NEDD1: variants seen among roughly 807,000 people sequenced by gnomAD.
The protein encoded by NEDD1 is NEDD1 gamma-tubulin ring complex targeting factor.
Under a neutral mutation model 74.0 loss-of-function variants are expected in NEDD1, and 33 were observed. That is an observed-to-expected ratio of 0.45 (90% CI 0.34 to 0.60). The LOEUF (loss-of-function observed/expected upper bound fraction) is 0.60, where lower values mean the gene tolerates loss of function less well. Ranked by LOEUF, NEDD1 falls within the 20% of genes least tolerant of loss-of-function variation. The pLI, the probability that NEDD1 is intolerant of heterozygous loss-of-function variation, is 0.01. For synonymous variants in NEDD1, 250 were observed against 264.4 expected (o/e 0.95, Z 0.53); for missense variants, 746 against 776.5 (o/e 0.96, Z 0.47).
At chr12:96,907,368 A>G (rs1407600787) in intron 1 of NEDD1, 68 bp downstream of exon 1, 2 of 432,766 alleles carry the variant, frequency 4.6e-6, no homozygotes. Context: ...TCCCGATCCT[A>G]AGACCCGCTC....
chr12:96,924,306 G>T (rs1408416148), intron 6 of NEDD1, among the ~76,000 whole-genome samples: 1 of 152,116 alleles, frequency 6.6e-6, no homozygotes, highest in Non-Finnish European at 1.5e-5. Flanking sequence ...TGGGCCTTTT[G>T]CATTTCTAGC....
rs1316848201 is a variant in NEDD1, at chr12:96,934,965, C to A, written c.490-11C>A. The A allele has an allele frequency of 4.0e-6, 6 of 1,516,376 alleles. No individual in the cohort carries two copies. Among genetic ancestry groups the A allele is most frequent in the Non-Finnish European group, 5.5e-6 (6 of 1,092,578 alleles). 93.9% of individuals were successfully genotyped at this position (1,516,376 alleles called of 1,614,324 possible). On this transcript the variant is annotated splice_polypyrimidine_tract_variant and intron_variant, in intron 6 of 15. Transcript: ENST00000266742. Reference sequence around the variant, plus strand: ...TATAATTACATAAAATTTATTCTTTCATTTTTATAGTCTGTTCGGCACTTG... The same window carrying A: ...TATAATTACATAAAATTTATTCTTTAATTTTTATAGTCTGTTCGGCACTTG...
chr12:96,943,054 G>T (rs1331988156), intron 11 of NEDD1, among the ~76,000 whole-genome samples: 1 of 151,986 alleles, frequency 6.6e-6, no homozygotes, highest in Non-Finnish European at 1.5e-5. Flanking sequence ...CTTAATCTTG[G>T]TAGTGACATC....
At position 96,945,792 on chromosome 12, in the gene NEDD1, C is replaced by T. The variant is rs777917483; in HGVS notation, c.1754C>T (p.Thr585Ile). 6.2e-7 allele frequency: 1 copy of T among 1,612,058 alleles called. No homozygotes were observed. The highest frequency in any genetic ancestry group is 1.3e-5 in the African/African-American group (1 of 74,976). Residue 585 changes from threonine (T) to isoleucine (I), a missense_variant, in exon 14 of 16, where the codon ACT (threonine) becomes ATT (isoleucine). Physicochemically the swap from Thr to Ile is moderately conservative, Grantham distance 89. Around this residue, in one of 3 missense-constraint regions of NEDD1, gnomAD observed 706 missense variants for 706.7 expected, o/e 1.00. Coordinates refer to ENST00000266742, the MANE Select transcript of NEDD1 (RefSeq NM_152905.4). ...IGNNRQNAPL[T>I]SIQIRFIQNM... ...AATAACCGGCAAAATGCACCATTGA[C>T]TTCCATTCAAATTCGTTTTATTCAG...
intron 6 of NEDD1, among the ~76,000 whole-genome samples, chr12:96,929,671 C>T (rs1490687190): frequency 1.3e-5 from 2 of 150,070 alleles, no homozygotes; most frequent in African/African-American, 4.9e-5. Flanking sequence ...TGACTCTGCT[C>T]TACTTTTCCA....
chr12:96,935,255 C>T (rs767480249), intron 7 of NEDD1, 50 bp downstream of exon 7: 1 of 1,083,118 alleles, frequency 9.2e-7, no homozygotes, highest in Admixed American at 1.7e-5. Flanking sequence ...AGCTATTATT[C>T]CATTAACAGG....
chr12:96,912,755 G>A lies in NEDD1; in HGVS notation c.169G>A (p.Asp57Asn). The part of the protein sequence containing the change: ...NFLVTASSSG[D>N]KIVVSSCKCK... ...TTTAGTAACAGCATCTTCCAGTGGCGACAAAATAGTTGTCTCAAGTTGCAA... is the reference window on the plus strand; with the variant it reads ...TTTAGTAACAGCATCTTCCAGTGGCAACAAAATAGTTGTCTCAAGTTGCAA... The change falls in exon 4 of 16, where the codon GAC (aspartate) becomes AAC (asparagine). Residue 57 changes from aspartate to asparagine, a missense_variant. Physicochemically the swap from Asp to Asn is conservative, Grantham distance 23. Around this residue, in one of 3 missense-constraint regions of NEDD1, gnomAD observed 706 missense variants for 706.7 expected, o/e 1.00. Transcript: ENST00000266742. 2 of 1,607,434 alleles carry A rather than the reference G, an allele frequency of 1.2e-6. No individual in the cohort carries two copies. Among genetic ancestry groups the A allele is most frequent in the Admixed American group, 1.7e-5 (1 of 59,942 alleles).
chr12:96,912,878 G>T, intron 4 of NEDD1, 61 bp downstream of exon 4: 1 of 794,318 alleles, frequency 1.3e-6, no homozygotes, highest in Non-Finnish European at 2.1e-6. Flanking sequence ...ACTGGCAATT[G>T]CTTATTGTGG....
intron 14 of NEDD1, among the ~76,000 whole-genome samples, chr12:96,948,155 C>G (rs1379852203): frequency 2.6e-5 from 4 of 152,112 alleles, no homozygotes; most frequent in African/African-American, 9.7e-5. Context: ...AGGGGTTACT[C>G]TCAGTTCTTC....
intron 5 of NEDD1, among the ~76,000 whole-genome samples, chr12:96,918,985 A>G (rs778616350): frequency 1.3e-5 from 2 of 152,240 alleles, no homozygotes; most frequent in African/African-American, 2.4e-5. Flanking sequence ...AAGTTGTAAT[A>G]TAAGTGGAAT....
At position 96,932,463 on chromosome 12, in the gene NEDD1, AAT is replaced by A. The variant is rs1555203253; in HGVS notation, c.490-2489_490-2488del. Among the ~76,000 whole-genome samples, 34 of 9,434 alleles carry A rather than the reference AAT, an allele frequency of 3.6e-3. 3 individuals carry two copies. Among genetic ancestry groups the A allele is most frequent in the East Asian group, 5.9e-3 (1 of 170 alleles). The allele number at this position is 9,434 out of a possible 152,430, so 6.2% of individuals were successfully genotyped here. On this transcript the variant is annotated intron_variant, in intron 6 of 15. Transcript: ENST00000266742. The stretch of plus-strand genomic sequence containing the variant: ...CTCTTAAAAAAAAAAAAAAAAAAAA[AAT>A]ATATATATATATATATATATATAAA...
intron 6 of NEDD1, among the ~76,000 whole-genome samples, chr12:96,921,882 C>G (rs1325744821): frequency 6.6e-6 from 1 of 151,478 alleles, no homozygotes; most frequent in Non-Finnish European, 1.5e-5. Flanking sequence ...TCCCAAAGTG[C>G]TGGGATTACA....
rs141847584 is a variant in NEDD1 at position 96,940,443 on chromosome 12, T to C, written c.1152T>C (p.Ser384=). 676 of 1,602,028 alleles carry C rather than the reference T, an allele frequency of 4.2e-4. 2 individuals are homozygous for C. In the African/African-American group the frequency reaches 8.5e-3, roughly 20 times the overall value. The change falls in exon 10 of 16, where the codon TCT becomes TCC. Residue 384 remains serine (S), a synonymous_variant. Transcript: ENST00000266742. ...GAAGCATAAACACAGACACTTTATC[T>C]AAGGAAACAGACAGTGGAAAAAATC... The part of the protein sequence containing the change: ...LPRSINTDTL[S]KETDSGKNQD...
rs71078436 is a variant in NEDD1 at position 96,929,556 on chromosome 12, TACACACACACACACACACAC to T, written c.490-5394_490-5375del. Among the ~76,000 whole-genome samples the T allele has an allele frequency of 1.6e-3, 208 of 127,814 alleles. 2 individuals are homozygous for T. The highest frequency in any genetic ancestry group is 5.8e-3 in the African/African-American group (196 of 34,052). 83.9% of individuals were successfully genotyped at this position (127,814 alleles called of 152,430 possible). On this transcript the variant is annotated intron_variant, in intron 6 of 15. Transcript: ENST00000266742. ...CAGAGCTCCCTATTGTTTTCATGTA[TACACACACACACACACACAC>T]ACACACACACACACACACACACACA...
Position 96,952,072 on chromosome 12 carries a change from A to C in NEDD1, c.*19A>C. On this transcript the variant is annotated 3_prime_UTR_variant, in exon 16 of 16. Coordinates refer to ENST00000266742, the MANE Select transcript of NEDD1 (RefSeq NM_152905.4). ...CTTTTGAAATTTCAGTGAATACCTTAATGTTCTGTAATTTGGGAAGTTTCT... is the reference window on the plus strand; with the variant it reads ...CTTTTGAAATTTCAGTGAATACCTTCATGTTCTGTAATTTGGGAAGTTTCT... 7.7e-7 allele frequency: 1 copy of C among 1,294,978 alleles called. No individual in the cohort carries two copies. Among genetic ancestry groups the C allele is most frequent in the Non-Finnish European group, 1.1e-6 (1 of 893,844 alleles). 80.2% of individuals were successfully genotyped at this position (1,294,978 alleles called of 1,614,324 possible).
chr12:96,907,587 T>C lies in NEDD1; in HGVS notation c.-261-17T>C. On this transcript the variant is annotated splice_polypyrimidine_tract_variant and intron_variant, in intron 1 of 15. Coordinates refer to ENST00000266742, the MANE Select transcript of NEDD1 (RefSeq NM_152905.4). ...TGTCTCCTTTTTTGTCAACCTCAAG[T>C]ACTTTTCTTTTGGCAGGTACTTGGA... 6.4e-7 allele frequency: 1 copy of C among 1,550,508 alleles called. No individual in the cohort carries two copies. The highest frequency in any genetic ancestry group is 8.7e-7 in the Non-Finnish European group (1 of 1,145,932).
intron 4 of NEDD1, 113 bp downstream of exon 4, chr12:96,912,930 T>A: frequency 1.7e-6 from 1 of 586,972 alleles, no homozygotes. Flanking sequence ...GCATTATTTT[T>A]AACTTAAGCT....
At chr12:96,945,101 A>T (rs1027667732) in intron 13 of NEDD1, among the ~76,000 whole-genome samples, 14 of 152,018 alleles carry the variant, frequency 9.2e-5, no homozygotes, top group Non-Finnish European at 1.6e-4. Context: ...ACTACCTGAA[A>T]ATGTCTTTTT....
In NEDD1 at chr12:96,943,556, C is replaced by T. The variant is rs1321054304; in HGVS notation, c.1295-4C>T. ...TATGCACATGCAGTTTTTCCCTTTT[C>T]CAGGCTTTGACTTTCTACCGCAGTT... On this transcript the variant is annotated splice_region_variant and splice_polypyrimidine_tract_variant and intron_variant, in intron 11 of 15. Transcript: ENST00000266742. 4 of 1,609,570 alleles carry T rather than the reference C, an allele frequency of 2.5e-6. No homozygotes were observed. Among genetic ancestry groups the T allele is most frequent in the Admixed American group, 3.4e-5 (2 of 59,442 alleles).
Sources: gnomAD v4.1 joint callset for allele counts (sites outside exome capture counted in the v4.1 genomes callset) on GRCh38, gnomAD v4.1.1 for gene constraint, gnomAD v4.1.1 regional missense constraint, MANE v1.5 for transcripts, NCBI Gene and HGNC (gene_info 2026-07-23, HGNC 2026-07-21) for gene names.